The following PMPCB variants were observed in gnomAD, a reference collection of about 807,000 sequenced individuals.
The protein encoded by PMPCB is mitochondrial-processing peptidase subunit beta.
In PMPCB, 46 loss-of-function variants were observed where a neutral mutation model predicts 61.5. The observed-to-expected ratio is 0.75, with a 90% CI of 0.59 to 0.96. PMPCB has a LOEUF of 0.96. Ranked by LOEUF, PMPCB falls within the 40% of genes least tolerant of loss-of-function variation. PMPCB has a pLI of 0.00. For synonymous variants in PMPCB, 191 were observed against 201.6 expected (o/e 0.95, Z 0.44); for missense variants, 590 against 602.4 (o/e 0.98, Z 0.22).
the PMPCB span, chr7:103,347,517 C>T: frequency 1.8e-6 from 1 of 553,376 alleles, no homozygotes; most frequent in Non-Finnish European, 3.3e-6. Context: ...AAGTTTCCTT[C>T]TCACAGGTAA....
chr7:103,299,760 A>G (rs1817397625), intron 3 of PMPCB, among the ~76,000 whole-genome samples: 1 of 151,996 alleles, frequency 6.6e-6, no homozygotes, highest in Non-Finnish European at 1.5e-5. Flanking sequence ...AGCCTGATGT[A>G]CCTTATTTTT....
chr7:103,315,354 C>T (rs182385768), downstream of PMPCB, among the ~76,000 whole-genome samples: 155 of 152,170 alleles, frequency 1.0e-3, 1 homozygote, highest in Non-Finnish European at 1.6e-3. Flanking sequence ...ATACTTTGAA[C>T]CATAAGTTAC....
intron 12 of PMPCB, chr7:103,319,918 C>A (rs1423173999): frequency 1.3e-6 from 2 of 1,508,606 alleles, no homozygotes; most frequent in South Asian, 1.1e-5. Flanking sequence ...AGCTGTAATC[C>A]CAGCTACTCG....
downstream of PMPCB, chr7:103,316,134 AC>A (rs1681319148): frequency 1.6e-6 from 2 of 1,227,708 alleles, no homozygotes; most frequent in Non-Finnish European, 2.3e-6. Context: ...GTAAGGAAAA[AC>A]AAAATGAAAC....
At chr7:103,297,986 T>C (rs949335866) in intron 1 of PMPCB, 14 of 1,141,378 alleles carry the variant, frequency 1.2e-5, no homozygotes, top group African/African-American at 1.7e-5. Context: ...ATTTTTCTCA[T>C]GAGAGAGCCT....
downstream of PMPCB, chr7:103,329,556 C>T (rs937074934): frequency 6.6e-6 from 1 of 152,114 alleles, no homozygotes; most frequent in Non-Finnish European, 1.5e-5. Flanking sequence ...ATTAACATTT[C>T]CTATAGACTG....
intron 4 of PMPCB, among the ~76,000 whole-genome samples, chr7:103,300,987 A>G (rs1020264277): frequency 2.0e-5 from 3 of 152,226 alleles, no homozygotes; most frequent in African/African-American, 7.2e-5. Flanking sequence ...CACGGCCATT[A>G]GTGAAATTTT....
downstream of PMPCB, chr7:103,314,743 T>C: frequency 1.5e-6 from 1 of 674,942 alleles, no homozygotes; most frequent in African/African-American, 1.9e-5. Context: ...ATTAACACTG[T>C]AAGTCTCATA....
chr7:103,305,078 A>T (rs1817542065), intron 6 of PMPCB, among the ~76,000 whole-genome samples: 1 of 152,256 alleles, frequency 6.6e-6, no homozygotes, highest in African/African-American at 2.4e-5. Context: ...GAGAGTCGGA[A>T]GATGGTGTTC....
At chr7:103,337,700 A>ATAG in the PMPCB span, 1 of 1,519,884 alleles carries the variant, frequency 6.6e-7, no homozygotes, top group South Asian at 1.1e-5. Context: ...TTCCTATACA[A>ATAG]GATATTTGAT....
chr7:103,326,531 G>A (rs1167961641), intron 12 of PMPCB: 1 of 1,613,624 alleles, frequency 6.2e-7, no homozygotes, highest in Non-Finnish European at 8.5e-7. Flanking sequence ...CAAAAGGGAT[G>A]CCTTAACTTA....
At chr7:103,323,670 T>TAG (rs753838848) in intron 12 of PMPCB, 2 of 1,399,942 alleles carry the variant, frequency 1.4e-6, no homozygotes, top group Non-Finnish European at 1.9e-6. Flanking sequence ...ATACCTAATA[T>TAG]AGACAGAAAT....
downstream of PMPCB, among the ~76,000 whole-genome samples, chr7:103,319,434 C>T (rs1454942307): frequency 6.6e-6 from 1 of 152,106 alleles, no homozygotes; most frequent in African/African-American, 2.4e-5. Flanking sequence ...AAGACTCTGT[C>T]TCAAAACAAA....
chr7:103,300,868 A>G (rs527763481), intron 4 of PMPCB, among the ~76,000 whole-genome samples: 1 of 152,216 alleles, frequency 6.6e-6, no homozygotes, highest in African/African-American at 2.4e-5. Context: ...TATTTTTAGT[A>G]GAGATGGGTT....
chr7:103,299,505 C>CT lies in PMPCB; in HGVS notation c.306dup (p.Leu103SerfsTer20). 1 of 1,612,086 alleles carries CT rather than the reference C, an allele frequency of 6.2e-7. No homozygotes were observed. Among genetic ancestry groups the CT allele is most frequent in the Non-Finnish European group, 8.5e-7 (1 of 1,178,412 alleles). On this transcript the variant is annotated frameshift_variant, in exon 3 of 13. Coordinates refer to ENST00000249269, the MANE Select transcript of PMPCB (RefSeq NM_004279.3). LOFTEE classifies it high-confidence loss of function. Reference sequence around the variant, plus strand: ...ATGAGAAGAACAATGGAACAGCACACTTTCTGGAGCATATGGCTTTCAAGG... The same window carrying CT: ...ATGAGAAGAACAATGGAACAGCACACTTTTCTGGAGCATATGGCTTTCAAGG...
chr7:103,327,912 T>A (rs1002795197), intron 12 of PMPCB, among the ~76,000 whole-genome samples: 82 of 152,152 alleles, frequency 5.4e-4, no homozygotes, highest in Non-Finnish European at 4.1e-4. Context: ...ATAGAGAAAC[T>A]GATTTATTTC....
the PMPCB span, among the ~76,000 whole-genome samples, chr7:103,343,092 C>T: frequency 7.2e-5 from 11 of 151,992 alleles, no homozygotes; most frequent in Non-Finnish European, 1.3e-4. Flanking sequence ...CTCCGCCTCC[C>T]GGGTTCAAAC....
At chr7:103,304,613 G>C in intron 6 of PMPCB, 123 bp downstream of exon 6, 1 of 709,344 alleles carries the variant, frequency 1.4e-6, no homozygotes, top group South Asian at 1.6e-5. Flanking sequence ...AACTGATAGT[G>C]TGTAAGGGGA....
In PMPCB at chr7:103,309,095, GGTAA is replaced by G; in HGVS notation, c.993+3_993+6del. On this transcript the variant is annotated splice_donor_variant and splice_donor_region_variant and intron_variant, in intron 8 of 12. Coordinates refer to ENST00000249269, the MANE Select transcript of PMPCB (RefSeq NM_004279.3). LOFTEE classifies it high-confidence loss of function. Reference sequence around the variant, plus strand: ...GGGATCGCTCTTTTGGGGGAGGAATGGTAAGTGATTTTAAAAGAAATTTTCCATA... The same window carrying G: ...GGGATCGCTCTTTTGGGGGAGGAATGGTGATTTTAAAAGAAATTTTCCATA... 4 of 1,583,272 alleles carry G rather than the reference GGTAA, an allele frequency of 2.5e-6. No homozygotes were observed. Among genetic ancestry groups the G allele is most frequent in the Non-Finnish European group, 3.4e-6 (4 of 1,166,500 alleles).
Sources: gnomAD v4.1 joint callset for allele counts (sites outside exome capture counted in the v4.1 genomes callset) on GRCh38, gnomAD v4.1.1 for gene constraint, MANE v1.5 for transcripts, NCBI Gene and HGNC (gene_info 2026-07-23, HGNC 2026-07-21) for gene names.